The following NKAIN3 variants were observed in gnomAD, a reference collection of about 807,000 sequenced individuals.
NKAIN3 encodes sodium/potassium-transporting ATPase subunit beta-1-interacting protein 3.
NKAIN3 carries 25 observed loss-of-function variants against 30.2 expected under a neutral mutation model. The ratio of observed to expected loss-of-function variants is 0.83; its 90% CI spans 0.60 to 1.16. The LOEUF is 1.16. Ranked by LOEUF, NKAIN3 falls within the 50% of genes most tolerant of loss-of-function variation. The pLI is 0.00. For missense variants in NKAIN3, 225 were observed against 254.1 expected (o/e 0.89, Z 0.78); for synonymous variants, 91 against 89.6 (o/e 1.02, Z -0.09).
chr8:62,898,691 C>T (rs1018488593), intron 4 of NKAIN3, among the ~76,000 whole-genome samples: 1 of 152,100 alleles, frequency 6.6e-6, no homozygotes, highest in Non-Finnish European at 1.5e-5. Flanking sequence ...TTGAACAATA[C>T]CCCGCAAGCA....
intron 1 of NKAIN3, among the ~76,000 whole-genome samples, chr8:62,460,411 CA>C (rs34652304): frequency 0.5 from 59,814 of 120,118 alleles, 13,428 homozygotes; most frequent in Non-Finnish European, 0.58. Context: ...AATTCCATCT[CA>C]AAAAAAAAAA....
chr8:62,465,935 A>G (rs1806148412), intron 1 of NKAIN3, among the ~76,000 whole-genome samples: 2 of 152,058 alleles, frequency 1.3e-5, no homozygotes, highest in African/African-American at 4.8e-5. Flanking sequence ...AGGCAGGAGA[A>G]TCTCTTGAAC....
At chr8:62,765,311 G>A (rs1233654180) in intron 4 of NKAIN3, among the ~76,000 whole-genome samples, 1 of 150,536 alleles carries the variant, frequency 6.6e-6, no homozygotes, top group Non-Finnish European at 1.5e-5. Context: ...TTCAGGTACT[G>A]GATGAAAAAC....
chr8:62,375,579 C>G (rs4360286), intron 1 of NKAIN3, among the ~76,000 whole-genome samples: 21,024 of 152,092 alleles, frequency 0.14, 1,736 homozygotes, highest in East Asian at 0.4. Context: ...GTAAATACTA[C>G]TATTATATTT....
Position 62,289,675 on chromosome 8 carries a change from G to A in NKAIN3, c.54+40548G>A, listed in dbSNP as rs1003701553. Among the ~76,000 whole-genome samples the A allele has an allele frequency of 5.3e-5, 8 of 152,096 alleles. No individual in the cohort carries two copies. In the South Asian group the frequency reaches 1.0e-3, roughly 20 times the overall value. ...GTAGTATAGTTTGAAGTCAGGTAGGGTGATGCCTCCAGCTTTGTTCTTTTG... is the reference window on the plus strand; with the variant it reads ...GTAGTATAGTTTGAAGTCAGGTAGGATGATGCCTCCAGCTTTGTTCTTTTG... On this transcript the variant is annotated intron_variant, in intron 1 of 6. Transcript: ENST00000623646.
intron 3 of NKAIN3, among the ~76,000 whole-genome samples, chr8:62,700,931 G>A (rs1212783283): frequency 6.6e-6 from 1 of 151,984 alleles, no homozygotes; most frequent in Non-Finnish European, 1.5e-5. Flanking sequence ...TGGTGCTCTT[G>A]GCCAGAAACA....
chr8:62,528,187 T>C (rs1808367659), intron 1 of NKAIN3, among the ~76,000 whole-genome samples: 1 of 149,530 alleles, frequency 6.7e-6, no homozygotes, highest in Non-Finnish European at 1.5e-5. Context: ...TATATATATA[T>C]ACTTGGACGT....
intron 3 of NKAIN3, among the ~76,000 whole-genome samples, chr8:62,670,887 A>G (rs974373099): frequency 2.0e-4 from 21 of 102,974 alleles, no homozygotes; most frequent in South Asian, 1.5e-3. Flanking sequence ...AAGCACACAC[A>G]CACACACACA....
chr8:62,355,998 A>G (rs72649378), intron 1 of NKAIN3, among the ~76,000 whole-genome samples: 1 of 152,208 alleles, frequency 6.6e-6, no homozygotes, highest in South Asian at 2.1e-4. Flanking sequence ...AACCTTGTGA[A>G]TAGTAACTTC....
At chr8:62,928,411 C>T (rs1430208252) in intron 5 of NKAIN3, among the ~76,000 whole-genome samples, 1 of 152,126 alleles carries the variant, frequency 6.6e-6, no homozygotes, top group Non-Finnish European at 1.5e-5. Flanking sequence ...AGACATCTTT[C>T]TTTGTCACAG....
At chr8:62,765,271 A>G (rs941962994) in intron 4 of NKAIN3, among the ~76,000 whole-genome samples, 4 of 150,232 alleles carry the variant, frequency 2.7e-5, no homozygotes, top group African/African-American at 9.7e-5. Context: ...AAAAAAGAAA[A>G]GAAAAGAAAA....
chr8:62,536,514 A>G (rs1452854192), intron 1 of NKAIN3, among the ~76,000 whole-genome samples: 2 of 152,072 alleles, frequency 1.3e-5, no homozygotes, highest in East Asian at 1.9e-4. Context: ...TAGAAACTGA[A>G]TAAGGAAGGA....
chr8:62,711,229 T>C (rs1409335393), intron 3 of NKAIN3, among the ~76,000 whole-genome samples: 1 of 152,224 alleles, frequency 6.6e-6, no homozygotes, highest in African/African-American at 2.4e-5. Flanking sequence ...AAGATCTTTT[T>C]GCAATGAATT....
chr8:62,814,038 C>T (rs939823633), intron 4 of NKAIN3, among the ~76,000 whole-genome samples: 1 of 151,990 alleles, frequency 6.6e-6, no homozygotes, highest in African/African-American at 2.4e-5. Flanking sequence ...TTACATGTGA[C>T]TTGATGTTTT....
At position 62,974,150 on chromosome 8, in the gene NKAIN3, T is replaced by C. The variant is rs1239695207; in HGVS notation, c.*8743T>C. On this transcript the variant is annotated 3_prime_UTR_variant, in exon 7 of 7. Transcript: ENST00000623646. ...TTAGGATTGTTTTGGCTATATGGGCTCTTTTTGGTTCCCTATGAAATTTAA... is the reference window on the plus strand; with the variant it reads ...TTAGGATTGTTTTGGCTATATGGGCCCTTTTTGGTTCCCTATGAAATTTAA... Among the ~76,000 whole-genome samples, 1 of 152,148 alleles carries C rather than the reference T, an allele frequency of 6.6e-6. No homozygotes were observed. Among genetic ancestry groups the C allele is most frequent in the African/African-American group, 2.4e-5 (1 of 41,436 alleles).
At chr8:62,535,334 C>T (rs1317588011) in intron 1 of NKAIN3, among the ~76,000 whole-genome samples, 1 of 152,038 alleles carries the variant, frequency 6.6e-6, no homozygotes, top group Non-Finnish European at 1.5e-5. Flanking sequence ...GTGTTTTTCC[C>T]CACACACCAA....
At chr8:62,538,255 G>C (rs116510544) in intron 1 of NKAIN3, among the ~76,000 whole-genome samples, 1 of 152,056 alleles carries the variant, frequency 6.6e-6, no homozygotes, top group African/African-American at 2.4e-5. Context: ...GCTCACTGCA[G>C]CATCGACCTC....
intron 1 of NKAIN3, among the ~76,000 whole-genome samples, chr8:62,468,411 G>A (rs1377201000): frequency 6.6e-6 from 1 of 152,128 alleles, no homozygotes; most frequent in African/African-American, 2.4e-5. Flanking sequence ...TTTGTTGGAA[G>A]AGGAGTTTGC....
chr8:62,271,020 A>G (rs1449391939), intron 1 of NKAIN3, among the ~76,000 whole-genome samples: 2 of 152,246 alleles, frequency 1.3e-5, no homozygotes, highest in Admixed American at 1.3e-4. Context: ...AAGAACATAC[A>G]TATTCATCAC....
Sources: allele counts gnomAD v4.1 joint callset (sites outside exome capture counted in the v4.1 genomes callset), GRCh38; gene constraint gnomAD v4.1.1; transcripts MANE v1.5; gene names NCBI Gene and HGNC (gene_info 2026-07-23, HGNC 2026-07-21).